Variants in ADARB2 observed in about 807,000 individuals in gnomAD.
ADARB2 encodes adenosine deaminase RNA specific B2 (inactive), also known as inactive double-stranded RNA-specific editase B2.
In ADARB2, 25 loss-of-function variants were observed where a neutral mutation model predicts 62.2. That is an observed-to-expected ratio of 0.40 (90% CI 0.29 to 0.56). The LOEUF (loss-of-function observed/expected upper bound fraction) is 0.56. ADARB2 is among the 20% of genes least tolerant of loss of function. The pLI is 0.43. For missense variants in ADARB2, 1,071 were observed against 1,077.4 expected (o/e 0.99, Z 0.08); for synonymous variants, 572 against 500.8 (o/e 1.14, Z -1.90).
intron 1 of ADARB2, among the ~76,000 whole-genome samples, chr10:1,598,730 G>T (rs180720249): frequency 1.3e-5 from 2 of 152,230 alleles, no homozygotes; most frequent in East Asian, 1.9e-4. Flanking sequence ...GAAGGAGCTG[G>T]CTGTCTGGGG....
At chr10:1,657,830 C>T (rs890369994) in intron 1 of ADARB2, among the ~76,000 whole-genome samples, 1 of 152,190 alleles carries the variant, frequency 6.6e-6, no homozygotes, top group African/African-American at 2.4e-5. Flanking sequence ...GTCTCTCCCT[C>T]TCTATCTCTG....
At chr10:1,331,487 G>A (rs1831927226) in intron 3 of ADARB2, among the ~76,000 whole-genome samples, 1 of 152,196 alleles carries the variant, frequency 6.6e-6, no homozygotes. Flanking sequence ...AGAGAAGCCA[G>A]ACACAAATGC....
At chr10:1,652,937 C>T (rs1377652858) in intron 1 of ADARB2, among the ~76,000 whole-genome samples, 1 of 152,202 alleles carries the variant, frequency 6.6e-6, no homozygotes, top group Non-Finnish European at 1.5e-5. Context: ...TGCTCTACTC[C>T]TCTTCTGCCA....
At chr10:1,244,422 G>C (rs915883323) in intron 4 of ADARB2, among the ~76,000 whole-genome samples, 2 of 152,226 alleles carry the variant, frequency 1.3e-5, no homozygotes, top group African/African-American at 4.8e-5. Context: ...TGGCCTGTGA[G>C]GCCCCGGCCT....
At chr10:1,238,510 T>C (rs1234603331) in intron 5 of ADARB2, among the ~76,000 whole-genome samples, 8 of 258 alleles carry the variant, frequency 0.031, no homozygotes, top group African/African-American at 0.036. Flanking sequence ...TCCCGGTGTT[T>C]ACTCCCCTCT....
intron 3 of ADARB2, among the ~76,000 whole-genome samples, chr10:1,293,244 C>CGGGGAGGGAGAGAGGGAT (rs1564248830): frequency 1.6e-5 from 1 of 61,004 alleles, no homozygotes; most frequent in African/African-American, 6.6e-5. Context: ...GAGAGAGGGA[C>CGGGGAGGGAGAGAGGGAT]GGGGGGAGAG....
At chr10:1,300,614 C>G (rs10903418) in intron 3 of ADARB2, among the ~76,000 whole-genome samples, 66,197 of 151,826 alleles carry the variant, frequency 0.44, 16,006 homozygotes, top group East Asian at 0.69. Flanking sequence ...GCTTCTTTAG[C>G]TGCCTCCCTG....
At chr10:1,496,339 C>T (rs1214296589) in intron 1 of ADARB2, among the ~76,000 whole-genome samples, 1 of 151,810 alleles carries the variant, frequency 6.6e-6, no homozygotes, top group Non-Finnish European at 1.5e-5. Flanking sequence ...ACATCGTCAC[C>T]TCCATTATCA....
intron 1 of ADARB2, among the ~76,000 whole-genome samples, chr10:1,601,388 C>T (rs756843479): frequency 6.6e-6 from 1 of 152,206 alleles, no homozygotes; most frequent in Non-Finnish European, 1.5e-5. Context: ...TGCCAGCATG[C>T]CCTTCTCACA....
chr10:1,698,104 G>A (rs1275419954), intron 1 of ADARB2, among the ~76,000 whole-genome samples: 2 of 152,250 alleles, frequency 1.3e-5, no homozygotes, highest in African/African-American at 4.8e-5. Flanking sequence ...TGCCCTCTCT[G>A]GCTTCCCTCT....
intron 1 of ADARB2, chr10:1,675,952 C>G (rs1834462148): frequency 1.0e-6 from 1 of 956,698 alleles, no homozygotes; most frequent in African/African-American, 1.8e-5. Flanking sequence ...AGACTTGGAG[C>G]CCAGTTAGAT....
chr10:1,388,802 T>G (rs1302216930), intron 1 of ADARB2, among the ~76,000 whole-genome samples: 1 of 152,214 alleles, frequency 6.6e-6, no homozygotes, highest in African/African-American at 2.4e-5. Context: ...CCCTAATTTT[T>G]CTATAGATAT....
rs187556185 is a variant in ADARB2 at position 1,312,756 on chromosome 10, A to G, written c.1078-41687T>C. Among the ~76,000 whole-genome samples the G allele has an allele frequency of 3.4e-3, 519 of 152,238 alleles. 2 individuals carry two copies. Among genetic ancestry groups the G allele is most frequent in the Non-Finnish European group, 5.1e-3 (344 of 68,022 alleles). On this transcript the variant is annotated intron_variant, in intron 3 of 9. Coordinates refer to ENST00000381312, the MANE Select transcript of ADARB2 (RefSeq NM_018702.4). ...CAAACCTGGCCTTCCTTTCCTGCCT[A>G]TCTTTCCTCTGCGGAGGTGTCACTG...
chr10:1,544,011 AAACAAAC>A (rs1564324394), intron 1 of ADARB2, among the ~76,000 whole-genome samples: 2 of 77,740 alleles, frequency 2.6e-5, no homozygotes, highest in Non-Finnish European at 5.3e-5. Flanking sequence ...AAAAAAAAAA[AAACAAAC>A]AAAAAAAAAA....
chr10:1,465,005 C>T (rs1347592990), intron 1 of ADARB2, among the ~76,000 whole-genome samples: 3 of 152,340 alleles, frequency 2.0e-5, no homozygotes, highest in South Asian at 4.1e-4. Context: ...ACATGTTTTC[C>T]TATCAGGAGA....
At chr10:1,412,719 C>T (rs75765756) in intron 1 of ADARB2, among the ~76,000 whole-genome samples, 5,620 of 152,148 alleles carry the variant, frequency 0.037, 164 homozygotes, top group Middle Eastern at 0.071. Flanking sequence ...CAGACCTGGG[C>T]GGGGCAGGTG....
At chr10:1,703,058 G>A (rs1564199345) in intron 1 of ADARB2, among the ~76,000 whole-genome samples, 1 of 152,200 alleles carries the variant, frequency 6.6e-6, no homozygotes, top group South Asian at 2.1e-4. Context: ...ATGATTTTGA[G>A]TGTGGGATAG....
At chr10:1,560,048 A>C (rs910515240) in intron 1 of ADARB2, among the ~76,000 whole-genome samples, 3 of 152,216 alleles carry the variant, frequency 2.0e-5, no homozygotes, top group African/African-American at 7.2e-5. Flanking sequence ...GACAAAGGTT[A>C]AGATGTGAGA....
At chr10:1,569,759 A>ATT (rs139238954) in intron 1 of ADARB2, among the ~76,000 whole-genome samples, 1 of 151,578 alleles carries the variant, frequency 6.6e-6, no homozygotes. Flanking sequence ...CTAAAGTATC[A>ATT]TTTTTTTTTA....
Sources: gnomAD v4.1 joint callset for allele counts (sites outside exome capture counted in the v4.1 genomes callset) on GRCh38, gnomAD v4.1.1 for gene constraint, MANE v1.5 for transcripts, NCBI Gene and HGNC (gene_info 2026-07-23, HGNC 2026-07-21) for gene names.